The following LYST variants were observed in gnomAD, a reference collection of about 807,000 sequenced individuals.
The protein encoded by LYST is lysosomal-trafficking regulator.
LYST carries 192 observed loss-of-function variants against 413.6 expected under a neutral mutation model. The observed-to-expected ratio is 0.46, with a 90% CI of 0.41 to 0.52. LYST has a LOEUF of 0.52. LYST is among the 20% of genes least tolerant of loss of function. The pLI is 0.00. For missense variants in LYST, 3,815 were observed against 4,499.9 expected (o/e 0.85, Z 4.35); for synonymous variants, 1,525 against 1,567.3 (o/e 0.97, Z 0.64).
At chr1:235,853,491 AC>A (rs1678792719) in intron 1 of LYST, among the ~76,000 whole-genome samples, 2 of 149,542 alleles carry the variant, frequency 1.3e-5, no homozygotes, top group Non-Finnish European at 2.9e-5. Context: ...TGTAAAGAAA[AC>A]TAAAAAAAAA....
chr1:235,714,868 T>A (rs893698840), intron 42 of LYST, among the ~76,000 whole-genome samples: 5 of 152,328 alleles, frequency 3.3e-5, no homozygotes, highest in Non-Finnish European at 5.9e-5. Context: ...TTGAAATAAG[T>A]ATTAGGTAGA....
chr1:235,719,041 G>C (rs562648757), intron 40 of LYST, among the ~76,000 whole-genome samples: 2 of 152,084 alleles, frequency 1.3e-5, no homozygotes, highest in East Asian at 3.9e-4. Context: ...TTTTTGAGAC[G>C]GAGTTTCACT....
At chr1:235,783,375 G>A (rs1670066940) in intron 14 of LYST, among the ~76,000 whole-genome samples, 1 of 151,674 alleles carries the variant, frequency 6.6e-6, no homozygotes, top group South Asian at 2.1e-4. Flanking sequence ...GCCATCTAGT[G>A]GCATTATGAC....
intron 1 of LYST, among the ~76,000 whole-genome samples, chr1:235,863,747 C>T (rs1446941251): frequency 6.6e-6 from 1 of 152,088 alleles, no homozygotes; most frequent in Admixed American, 6.5e-5. Context: ...ATTTTTAACC[C>T]CCTGGTATAG....
chr1:235,837,624 C>CAA (rs34107122), intron 1 of LYST, among the ~76,000 whole-genome samples: 2 of 121,456 alleles, frequency 1.6e-5, no homozygotes, highest in African/African-American at 2.8e-5. Context: ...GACCCTGTTT[C>CAA]AAAAAAAAAA....
At chr1:235,670,341 A>C (rs73124551) in intron 50 of LYST, among the ~76,000 whole-genome samples, 7,792 of 152,292 alleles carry the variant, frequency 0.051, 624 homozygotes, top group African/African-American at 0.17. Flanking sequence ...TTGCAATCAG[A>C]CGGATGCAGG....
chr1:235,780,051 T>C (rs1399156701), intron 16 of LYST, among the ~76,000 whole-genome samples: 3 of 152,164 alleles, frequency 2.0e-5, no homozygotes, highest in Admixed American at 6.5e-5. Flanking sequence ...CAATAGAGTC[T>C]CATATAAGCA....
In LYST at chr1:235,666,556, C is replaced by T. The variant is rs117792524; in HGVS notation, c.11039-1935G>A. Among the ~76,000 whole-genome samples, 276 of 147,246 alleles carry T rather than the reference C, an allele frequency of 1.9e-3. 4 individuals carry two copies. The East Asian group carries it at 0.05, about 27-fold the overall frequency. On this transcript the variant is annotated intron_variant, in intron 50 of 52. Coordinates refer to ENST00000389793, the MANE Select transcript of LYST (RefSeq NM_000081.4). ...AATACTTAAAAAATGGCTGGAATGG[C>T]AAATTTTATTTAAATATACATTGAG...
At chr1:235,684,598 T>G (rs1660064179) in intron 48 of LYST, among the ~76,000 whole-genome samples, 1 of 152,140 alleles carries the variant, frequency 6.6e-6, no homozygotes, top group African/African-American at 2.4e-5. Context: ...TTATGACACT[T>G]ATATTCTCTG....
chr1:235,693,338 T>G lies in LYST; in HGVS notation c.10701+12A>C. The G allele has an allele frequency of 6.3e-7, 1 of 1,578,456 alleles. No individual in the cohort carries two copies. The highest frequency in any genetic ancestry group is 8.7e-7 in the Non-Finnish European group (1 of 1,148,732). On this transcript the variant is annotated intron_variant, in intron 47 of 52. Coordinates refer to ENST00000389793, the MANE Select transcript of LYST (RefSeq NM_000081.4). ...TTAAAAATAAATAAATAAAATAAAA[T>G]AAAGTGTTTACCTGGTACTGTTGTG...
At chr1:235,795,504 G>A (rs762750997) in intron 10 of LYST, among the ~76,000 whole-genome samples, 29 of 152,196 alleles carry the variant, frequency 1.9e-4, no homozygotes, top group African/African-American at 5.5e-4. Flanking sequence ...GACACTATAC[G>A]CCAGCCAAGC....
chr1:235,741,555 A>G lies in LYST; in HGVS notation c.8225T>C (p.Met2742Thr). The stretch of plus-strand genomic sequence containing the variant: ...ATGCACTAGTAGTCTCCCAAGCTGC[A>G]TTCGGAAGGTCTCCTTACAAGACCA... ...ILWSCKETFRMQLGRLLVHIL... is the reference protein window; with the variant it reads ...ILWSCKETFRTQLGRLLVHIL... Residue 2742 changes from methionine (M) to threonine (T), a missense_variant, in exon 31 of 53, where the codon ATG (methionine) becomes ACG (threonine). By Grantham distance (81) the Met-to-Thr change is moderately conservative (BLOSUM62 -1). This residue lies in a region of LYST where 771 missense variants were observed against 837.1 expected (regional missense o/e 0.92). Coordinates refer to ENST00000389793, the MANE Select transcript of LYST (RefSeq NM_000081.4). 1.9e-6 allele frequency: 3 copies of G among 1,614,174 alleles called. No individual in the cohort carries two copies. Among genetic ancestry groups the G allele is most frequent in the East Asian group, 2.2e-5 (1 of 44,886 alleles).
chr1:235,831,701 T>A (rs1676003219), intron 2 of LYST, among the ~76,000 whole-genome samples: 1 of 152,214 alleles, frequency 6.6e-6, no homozygotes, highest in Admixed American at 6.5e-5. Flanking sequence ...ATATTTTTAA[T>A]ATTTTTGAAT....
chr1:235,710,650 C>T (rs745562468), intron 43 of LYST, among the ~76,000 whole-genome samples: 2 of 152,210 alleles, frequency 1.3e-5, no homozygotes, highest in Admixed American at 1.3e-4. Flanking sequence ...CAGAATCTTG[C>T]TACTCTCCAT....
chr1:235,834,358 T>C (rs969719097), intron 1 of LYST, among the ~76,000 whole-genome samples: 1 of 152,160 alleles, frequency 6.6e-6, no homozygotes, highest in Non-Finnish European at 1.5e-5. Flanking sequence ...AACATGAAGA[T>C]ATTTTGAATT....
intron 9 of LYST, 53 bp downstream of exon 9, chr1:235,800,818 T>C: frequency 8.2e-7 from 1 of 1,217,550 alleles, no homozygotes; most frequent in East Asian, 2.4e-5. Context: ...GAGATGTTAT[T>C]GGGTGATGAG....
upstream of LYST, among the ~76,000 whole-genome samples, chr1:235,869,023 G>A (rs2103222260): frequency 6.6e-6 from 1 of 152,198 alleles, no homozygotes. Flanking sequence ...CTAAGCTACT[G>A]CAGTATGTAT....
At chr1:235,726,384 T>A (rs1663873382) in intron 38 of LYST, among the ~76,000 whole-genome samples, 1 of 152,208 alleles carries the variant, frequency 6.6e-6, no homozygotes. Context: ...GAAAATGTAA[T>A]ATTTTCATAC....
At chr1:235,786,426 T>C (rs1057244223) in intron 14 of LYST, among the ~76,000 whole-genome samples, 40 of 152,068 alleles carry the variant, frequency 2.6e-4, no homozygotes, top group Non-Finnish European at 4.0e-4. Context: ...TGTGGAGAAA[T>C]AGGAACACTT....
Sources: allele counts gnomAD v4.1 joint callset (sites outside exome capture counted in the v4.1 genomes callset), GRCh38; gene constraint gnomAD v4.1.1; regional missense constraint gnomAD v4.1.1; transcripts MANE v1.5; gene names NCBI Gene and HGNC (gene_info 2026-07-23, HGNC 2026-07-21).